The following GRID2 variants were observed in gnomAD, a reference collection of about 807,000 sequenced individuals.
The protein encoded by GRID2 is glutamate receptor ionotropic, delta-2.
GRID2 carries 33 observed loss-of-function variants against 114.8 expected under a neutral mutation model. That is an observed-to-expected ratio of 0.29 (90% CI 0.22 to 0.38). GRID2 has a LOEUF of 0.38. Ranked by LOEUF, GRID2 falls within the 10% of genes least tolerant of loss-of-function variation. The probability of loss-of-function intolerance (pLI) is 1.00; values close to 1 mark genes in which losing one functional copy is unlikely to be tolerated. For missense variants in GRID2, 1,184 were observed against 1,257.7 expected, an observed-to-expected ratio of 0.94 and a Z score of 0.89; for synonymous variants, 505 against 449.9, an observed-to-expected ratio of 1.12 and a Z score of -1.55.
chr4:92,777,359 T>A (rs1578177958), intron 2 of GRID2, among the ~76,000 whole-genome samples: 1 of 152,110 alleles, frequency 6.6e-6, no homozygotes, highest in African/African-American at 2.4e-5. Flanking sequence ...CTTTGTGTGG[T>A]AATAACAGCC....
intron 1 of GRID2, among the ~76,000 whole-genome samples, chr4:92,355,855 G>T (rs544710510): frequency 5.6e-4 from 85 of 151,798 alleles, no homozygotes; most frequent in African/African-American, 1.9e-3. Flanking sequence ...ATTTCAACTT[G>T]TTTTCACAAA....
chr4:93,119,033 T>C (rs974828543), intron 4 of GRID2, among the ~76,000 whole-genome samples: 1 of 152,246 alleles, frequency 6.6e-6, no homozygotes, highest in East Asian at 1.9e-4. Context: ...ATATCAATTC[T>C]GTTTGCATCT....
intron 2 of GRID2, among the ~76,000 whole-genome samples, chr4:92,811,300 T>A (rs781675364): frequency 6.6e-6 from 1 of 152,160 alleles, no homozygotes; most frequent in Non-Finnish European, 1.5e-5. Flanking sequence ...CTGACTCCAG[T>A]GTATATGCAT....
intron 2 of GRID2, among the ~76,000 whole-genome samples, chr4:92,845,232 CTT>C (rs1333354765): frequency 2.0e-5 from 3 of 152,198 alleles, no homozygotes; most frequent in East Asian, 3.9e-4. Context: ...TCTTGAAACT[CTT>C]TTTATTCTCT....
intron 12 of GRID2, among the ~76,000 whole-genome samples, chr4:93,507,983 G>A (rs928438295): frequency 5.3e-5 from 8 of 152,084 alleles, no homozygotes; most frequent in Middle Eastern, 3.4e-3. Flanking sequence ...ACAGGAAGGG[G>A]AACATCACAC....
chr4:93,530,102 A>G (rs1731298241), intron 13 of GRID2, among the ~76,000 whole-genome samples: 2 of 151,978 alleles, frequency 1.3e-5, no homozygotes, highest in South Asian at 4.1e-4. Flanking sequence ...TCTCCAATTT[A>G]TTCTCTCCTT....
At chr4:92,794,086 G>GACA (rs1481126705) in intron 2 of GRID2, among the ~76,000 whole-genome samples, 3 of 151,746 alleles carry the variant, frequency 2.0e-5, no homozygotes, top group Non-Finnish European at 4.4e-5. Context: ...TAACATAAGA[G>GACA]ACAACATTAT....
At chr4:93,496,127 A>T (rs1386535738) in intron 12 of GRID2, among the ~76,000 whole-genome samples, 1 of 151,626 alleles carries the variant, frequency 6.6e-6, no homozygotes, top group Non-Finnish European at 1.5e-5. Context: ...TTGTAAAAAA[A>T]AAAAAAAACA....
At chr4:93,205,924 G>T (rs1465629236) in intron 4 of GRID2, among the ~76,000 whole-genome samples, 8 of 152,132 alleles carry the variant, frequency 5.3e-5, no homozygotes, top group Admixed American at 1.3e-4. Flanking sequence ...ATGAGCATTT[G>T]TTCACGTGTT....
intron 2 of GRID2, among the ~76,000 whole-genome samples, chr4:92,841,707 A>G (rs905256470): frequency 2.0e-5 from 3 of 152,100 alleles, no homozygotes; most frequent in African/African-American, 4.8e-5. Flanking sequence ...CCCAAGGGGA[A>G]ACATTTGTAC....
At chr4:93,606,179 A>G (rs1165186463) in intron 13 of GRID2, among the ~76,000 whole-genome samples, 1 of 152,148 alleles carries the variant, frequency 6.6e-6, no homozygotes, top group Non-Finnish European at 1.5e-5. Context: ...AGGCTGGAGA[A>G]TCACTTTTAC....
Position 93,262,003 on chromosome 4 carries a change from C to T in GRID2, c.1245+23513C>T, listed in dbSNP as rs141785641. Among the ~76,000 whole-genome samples the T allele has an allele frequency of 3.2e-3, 491 of 151,554 alleles. 1 individual carries two copies. Among genetic ancestry groups the T allele is most frequent in the African/African-American group, 0.011 (465 of 41,464 alleles). The stretch of plus-strand genomic sequence containing the variant: ...TAGTTTACTGACCCCTGATCTTATC[C>T]GTCCAGCTTCTGGCTTCTTCCACAA... On this transcript the variant is annotated intron_variant, in intron 8 of 15. Transcript: ENST00000282020.
intron 14 of GRID2, among the ~76,000 whole-genome samples, chr4:93,657,744 G>A (rs1723146434): frequency 6.6e-6 from 1 of 152,132 alleles, no homozygotes; most frequent in African/African-American, 2.4e-5. Flanking sequence ...TGTTTTCTGT[G>A]GCTGAGTTCT....
At chr4:93,084,910 A>C (rs1730195077) in intron 2 of GRID2, 85 bp from the exon 3 acceptor site, 1 of 963,894 alleles carries the variant, frequency 1.0e-6, no homozygotes, top group Admixed American at 2.4e-5. Context: ...AAAAATCTGT[A>C]AGCTTTATCC....
At chr4:92,864,320 T>G (rs1226713221) in intron 2 of GRID2, among the ~76,000 whole-genome samples, 3 of 152,206 alleles carry the variant, frequency 2.0e-5, no homozygotes, top group Non-Finnish European at 2.9e-5. Flanking sequence ...GCTTGGCATA[T>G]GCTGACACTT....
intron 2 of GRID2, among the ~76,000 whole-genome samples, chr4:92,626,339 C>T (rs369145911): frequency 1.3e-4 from 20 of 151,920 alleles, no homozygotes; most frequent in African/African-American, 4.3e-4. Flanking sequence ...CTTTGCAATG[C>T]GTATGGAAAA....
At chr4:92,781,339 T>C (rs1210257159) in intron 2 of GRID2, among the ~76,000 whole-genome samples, 1 of 152,156 alleles carries the variant, frequency 6.6e-6, no homozygotes, top group Admixed American at 6.5e-5. Context: ...TTAATTACTA[T>C]GTAATTTTTA....
At position 92,740,641 on chromosome 4, in the gene GRID2, C is replaced by T. The variant is rs78041235; in HGVS notation, c.244+150355C>T. On this transcript the variant is annotated intron_variant, in intron 2 of 15. Coordinates refer to ENST00000282020, the MANE Select transcript of GRID2 (RefSeq NM_001510.4). ...CTTTATTTTCTACTAAATTTTCTCA[C>T]TCATAATGGTAGCACATCATGTTTA... Among the ~76,000 whole-genome samples the T allele has an allele frequency of 2.9e-3, 446 of 152,038 alleles. 16 individuals are homozygous for T. The East Asian group carries it at 0.046, about 16-fold the overall frequency.
At chr4:92,848,943 C>T (rs908341221) in intron 2 of GRID2, among the ~76,000 whole-genome samples, 13 of 151,934 alleles carry the variant, frequency 8.6e-5, no homozygotes, top group Non-Finnish European at 1.9e-4. Context: ...TAACTAAACT[C>T]CTGACACCTT....
Sources: allele counts gnomAD v4.1 joint callset (sites outside exome capture counted in the v4.1 genomes callset), GRCh38; gene constraint gnomAD v4.1.1; transcripts MANE v1.5; gene names NCBI Gene and HGNC (gene_info 2026-07-23, HGNC 2026-07-21).